The following ZDHHC13 variants were observed in gnomAD, a reference collection of about 807,000 sequenced individuals.
ZDHHC13 encodes the protein zDHHC palmitoyltransferase 13, also known as palmitoyltransferase ZDHHC13.
In ZDHHC13, 85 loss-of-function variants were observed where a neutral mutation model predicts 86.0. The ratio of observed to expected loss-of-function variants is 0.99; its 90% confidence interval spans 0.83 to 1.18. The LOEUF is 1.18. Ranked by LOEUF, ZDHHC13 falls within the 50% of genes most tolerant of loss-of-function variation. The pLI, the probability that ZDHHC13 is intolerant of heterozygous loss-of-function variation, is 0.00. For missense variants in ZDHHC13, 711 were observed against 730.2 expected (o/e 0.97, Z 0.30); for synonymous variants, 263 against 246.4 (o/e 1.07, Z -0.63).
At chr11:19,150,893 T>C (rs1849591091) in intron 6 of ZDHHC13, 102 bp downstream of exon 6, 1 of 1,009,762 alleles carries the variant, frequency 9.9e-7, no homozygotes, top group East Asian at 2.5e-5. Context: ...TGATAGTACA[T>C]TGAAGAAAAT....
At chr11:19,123,145 C>T (rs1848793623) in intron 1 of ZDHHC13, among the ~76,000 whole-genome samples, 1 of 152,136 alleles carries the variant, frequency 6.6e-6, no homozygotes, top group Non-Finnish European at 1.5e-5. Context: ...CATAAATACA[C>T]AGTAATTAAT....
intron 1 of ZDHHC13, among the ~76,000 whole-genome samples, chr11:19,140,354 A>T (rs1467357887): frequency 1.3e-5 from 2 of 152,202 alleles, no homozygotes; most frequent in Non-Finnish European, 2.9e-5. Context: ...TGCAAATCAA[A>T]ACCACAATGA....
intron 14 of ZDHHC13, chr11:19,168,101 A>G (rs917179345): frequency 3.9e-5 from 6 of 152,238 alleles, no homozygotes; most frequent in Admixed American, 3.3e-4. Flanking sequence ...CCTGGCCAGC[A>G]TTCGATTTTT....
chr11:19,164,988 T>C (rs1850017433), intron 12 of ZDHHC13, 64 bp from the exon 13 acceptor site: 3 of 1,435,724 alleles, frequency 2.1e-6, no homozygotes, highest in South Asian at 1.2e-5. Flanking sequence ...AAAATTTTGC[T>C]TGTGATTTGT....
At chr11:19,138,930 A>G (rs1221652042) in intron 1 of ZDHHC13, among the ~76,000 whole-genome samples, 2 of 150,398 alleles carry the variant, frequency 1.3e-5, no homozygotes, top group Admixed American at 1.3e-4. Context: ...AATAAGAGCT[A>G]TCTATGACAA....
intron 6 of ZDHHC13, 31 bp from the exon 7 acceptor site, chr11:19,152,127 T>A: frequency 6.2e-7 from 1 of 1,603,464 alleles, no homozygotes; most frequent in African/African-American, 1.3e-5. Context: ...TCTCTGTTAA[T>A]GCCTCTTGGT....
rs776651420 is a variant in ZDHHC13 at position 19,165,035 on chromosome 11, C to T, written c.1297-17C>T. Reference sequence around the variant, plus strand: ...GACACTGGTTTTTGCTTAGGCCTCTCTTAATTGCCCACTTAGATAAGGAAG... The same window carrying T: ...GACACTGGTTTTTGCTTAGGCCTCTTTTAATTGCCCACTTAGATAAGGAAG... On this transcript the variant is annotated splice_polypyrimidine_tract_variant and intron_variant, in intron 12 of 16. Coordinates refer to ENST00000446113, the MANE Select transcript of ZDHHC13 (RefSeq NM_019028.3). 1.7e-5 allele frequency: 28 copies of T among 1,608,936 alleles called. No homozygotes were observed. The Admixed American group carries it at 4.0e-4, about 23-fold the overall frequency.
rs1554965473 is a variant in ZDHHC13, at chr11:19,164,992, G to C, written c.1297-60G>C. 2.7e-6 allele frequency: 4 copies of C among 1,485,302 alleles called. No individual in the cohort carries two copies. The South Asian group carries it at 3.6e-5, about 13-fold the overall frequency. The allele number at this position is 1,485,302 out of a possible 1,614,324, so 92.0% of individuals were successfully genotyped here. ...GACCTAAAGTTAAAATTTTGCTTGT[G>C]ATTTGTTACCACTTTGAGACACTGG... is the stretch of plus-strand genomic sequence containing the variant. On this transcript the variant is annotated intron_variant, in intron 12 of 16. Transcript: ENST00000446113.
At chr11:19,163,156 A>C (rs865933853) in intron 10 of ZDHHC13, 147 bp from the exon 11 acceptor site, 10 of 718,988 alleles carry the variant, frequency 1.4e-5, no homozygotes, top group Middle Eastern at 4.6e-4. Flanking sequence ...CAGTAGGATT[A>C]GAACATAGGA....
chr11:19,149,866 A>G (rs1258826195), intron 5 of ZDHHC13, among the ~76,000 whole-genome samples: 1 of 152,244 alleles, frequency 6.6e-6, no homozygotes, highest in Admixed American at 6.5e-5. Flanking sequence ...GTAGCAAAGT[A>G]GTTTATGTAT....
rs1239769984 is a variant in ZDHHC13, at chr11:19,165,089, G to A, written c.1334G>A (p.Cys445Tyr). 1 of 1,613,096 alleles carries A rather than the reference G, an allele frequency of 6.2e-7. No homozygotes were observed. Among genetic ancestry groups the A allele is most frequent in the South Asian group, 1.1e-5 (1 of 90,894 alleles). Residue 445 changes from cysteine (C) to tyrosine (Y), a missense_variant, in exon 13 of 17, where the codon TGC becomes TAC. By Grantham distance (194) the Cys-to-Tyr change is radical (BLOSUM62 -2). Coordinates refer to ENST00000446113, the MANE Select transcript of ZDHHC13 (RefSeq NM_019028.3). Reference sequence around the variant, plus strand: ...TTAAGGTCACTCCACTGCCATGTATGCAACTGCTGTGTGGCTCGATATGAT... The same window carrying A: ...TTAAGGTCACTCCACTGCCATGTATACAACTGCTGTGTGGCTCGATATGAT... ...KPLRSLHCHVCNCCVARYDQH... is the reference protein window; with the variant it reads ...KPLRSLHCHVYNCCVARYDQH...
rs1293272392 is a variant in ZDHHC13, at chr11:19,172,660, ATTG to A, written c.1633-60_1633-58del. On this transcript the variant is annotated intron_variant, in intron 15 of 16. Transcript: ENST00000446113. ...ATAATTGCACTGATACTGATCTTATATTGTTTTATTTATCTAAAAGTTGCACAC... is the reference window on the plus strand; with the variant it reads ...ATAATTGCACTGATACTGATCTTATATTTTATTTATCTAAAAGTTGCACAC... The A allele has an allele frequency of 7.1e-5, 93 of 1,317,858 alleles. 1 individual carries two copies. Among genetic ancestry groups the A allele is most frequent in the Middle Eastern group, 1.9e-4 (1 of 5,368 alleles). 81.6% of individuals were successfully genotyped at this position (1,317,858 alleles called of 1,614,324 possible). A position where few individuals can be genotyped will look rare whatever the true frequency, so the allele number is the denominator to read the frequency against.
chr11:19,130,023 G>GCTTGC (rs1160878613), intron 1 of ZDHHC13, among the ~76,000 whole-genome samples: 11 of 152,160 alleles, frequency 7.2e-5, no homozygotes, highest in African/African-American at 2.6e-4. Context: ...AGGAGGCAGA[G>GCTTGC]CTTGCAGTGA....
Position 19,149,334 on chromosome 11 carries a change from A to T in ZDHHC13, c.519+3A>T, listed in dbSNP as rs1171356778. 1.3e-6 allele frequency: 2 copies of T among 1,575,214 alleles called. No homozygotes were observed. Among genetic ancestry groups the T allele is most frequent in the East Asian group, 4.5e-5 (2 of 44,048 alleles). On this transcript the variant is annotated splice_donor_region_variant and intron_variant, in intron 5 of 16. Transcript: ENST00000446113. ...CATATCTCATCTCAAAGGGACAGGT[A>T]TGTTCTGAAATGTGTCTTATACTCC...
intron 1 of ZDHHC13, among the ~76,000 whole-genome samples, chr11:19,136,759 A>C (rs1265472662): frequency 1.3e-5 from 2 of 152,090 alleles, no homozygotes; most frequent in Admixed American, 1.3e-4. Context: ...AGTGGGGGCC[A>C]ATATTCAACA....
At chr11:19,119,327 G>T (rs536072971) in intron 1 of ZDHHC13, among the ~76,000 whole-genome samples, 1 of 152,044 alleles carries the variant, frequency 6.6e-6, no homozygotes, top group Non-Finnish European at 1.5e-5. Flanking sequence ...GGATGGTCTC[G>T]ATCTCCTGAC....
chr11:19,147,753 T>C lies in ZDHHC13; in HGVS notation c.374+80T>C, dbSNP rs1283092691. 4.6e-6 allele frequency: 5 copies of C among 1,079,566 alleles called. No individual in the cohort carries two copies. In the Admixed American group the frequency reaches 8.1e-5, roughly 18 times the overall value. The allele number at this position is 1,079,566 out of a possible 1,614,324, so 66.9% of individuals were successfully genotyped here. A position where few individuals can be genotyped will look rare whatever the true frequency, so the allele number is the denominator to read the frequency against. The stretch of plus-strand genomic sequence containing the variant: ...ATATAAAAAATCAGTTATAGACGAT[T>C]TGAAAGGCTGTCTTTTCTTCCCCCC... On this transcript the variant is annotated intron_variant, in intron 4 of 16. Coordinates refer to ENST00000446113, the MANE Select transcript of ZDHHC13 (RefSeq NM_019028.3).
intron 1 of ZDHHC13, among the ~76,000 whole-genome samples, chr11:19,122,028 T>A (rs900684939): frequency 1.3e-5 from 2 of 152,190 alleles, no homozygotes; most frequent in Non-Finnish European, 2.9e-5. Flanking sequence ...GTTACCTGTC[T>A]TCTTCTCTGT....
chr11:19,165,152 GATTTA>G lies in ZDHHC13; in HGVS notation c.1390+12_1390+16del. The G allele has an allele frequency of 6.2e-7, 1 of 1,607,374 alleles. No individual in the cohort carries two copies. Among genetic ancestry groups the G allele is most frequent in the Non-Finnish European group, 8.5e-7 (1 of 1,176,728 alleles). On this transcript the variant is annotated splice_region_variant and intron_variant, in intron 13 of 16. Transcript: ENST00000446113. The stretch of plus-strand genomic sequence containing the variant: ...TGGACTGGACGGTGCATAGGTGAGA[GATTTA>G]ATTTTTCAATTACTACTGTGAAGTT...
Sources: allele counts gnomAD v4.1 joint callset (sites outside exome capture counted in the v4.1 genomes callset), GRCh38; gene constraint gnomAD v4.1.1; transcripts MANE v1.5; gene names NCBI Gene and HGNC (gene_info 2026-07-23, HGNC 2026-07-21).